BTBD16: variants seen among roughly 807,000 people sequenced by gnomAD.
BTBD16 encodes the protein BTB domain containing 16.
Under a neutral mutation model 67.4 loss-of-function variants are expected in BTBD16, and 66 were observed. That is an observed-to-expected ratio of 0.98 (90% CI 0.80 to 1.20). BTBD16 has a LOEUF of 1.20. Ranked by LOEUF, BTBD16 falls within the 50% of genes most tolerant of loss-of-function variation. BTBD16 has a pLI of 0.00. For missense variants in BTBD16, 634 were observed against 616.0 expected (o/e 1.03, Z -0.31); for synonymous variants, 242 against 236.4 (o/e 1.02, Z -0.22).
intron 10 of BTBD16, among the ~76,000 whole-genome samples, chr10:122,315,380 T>C (rs374134648): frequency 6.6e-6 from 1 of 152,224 alleles, no homozygotes; most frequent in Non-Finnish European, 1.5e-5. Flanking sequence ...AGCAATATTA[T>C]CCTCTTTTAT....
At chr10:122,273,992 C>G (rs747359887) in intron 1 of BTBD16, among the ~76,000 whole-genome samples, 70 of 152,316 alleles carry the variant, frequency 4.6e-4, no homozygotes, top group Non-Finnish European at 8.2e-4. Flanking sequence ...CTCCATATGG[C>G]GACTGCACAG....
rs377188156 is a variant in BTBD16 at position 122,283,939 on chromosome 10, T to C, written c.241+15T>C. ...TGGGGAAGCAGGTGAGTTTGTGTTA[T>C]CCATGGATTAAGCCAGAATGTTGCT... On this transcript the variant is annotated intron_variant, in intron 4 of 15. Coordinates refer to ENST00000260723, the MANE Select transcript of BTBD16 (RefSeq NM_144587.5). The C allele has an allele frequency of 2.7e-5, 43 of 1,595,658 alleles. No individual in the cohort carries two copies. The highest frequency in any genetic ancestry group is 3.5e-5 in the Non-Finnish European group (41 of 1,163,232).
intron 10 of BTBD16, among the ~76,000 whole-genome samples, chr10:122,321,140 T>A (rs1455526999): frequency 6.6e-6 from 1 of 152,216 alleles, no homozygotes; most frequent in Non-Finnish European, 1.5e-5. Context: ...TCACTTAGGA[T>A]AATGGTCTCC....
intron 6 of BTBD16, 106 bp downstream of exon 6, chr10:122,290,104 A>G (rs1314340230): frequency 1.6e-5 from 12 of 742,902 alleles, no homozygotes; most frequent in Non-Finnish European, 2.3e-5. Flanking sequence ...AACAGTAGAC[A>G]GTGTTCAGTG....
intron 9 of BTBD16, among the ~76,000 whole-genome samples, chr10:122,304,190 T>C (rs2096399188): frequency 6.6e-6 from 1 of 152,228 alleles, no homozygotes. Context: ...GTGACAAACT[T>C]GGTCCTGTCT....
chr10:122,298,175 T>A (rs114899493), intron 8 of BTBD16, among the ~76,000 whole-genome samples: 373 of 152,210 alleles, frequency 2.5e-3, no homozygotes, highest in African/African-American at 8.5e-3. Context: ...AATCAGTGTG[T>A]CAGGGTTAGG....
At chr10:122,303,018 A>G (rs1429463789) in intron 9 of BTBD16, among the ~76,000 whole-genome samples, 3 of 152,170 alleles carry the variant, frequency 2.0e-5, no homozygotes, top group Non-Finnish European at 4.4e-5. Context: ...GAATATTAAT[A>G]TTTTTACTGT....
intron 10 of BTBD16, among the ~76,000 whole-genome samples, chr10:122,320,293 T>C (rs10749459): frequency 0.62 from 93,933 of 151,914 alleles, 30,475 homozygotes; most frequent in East Asian, 0.87. Context: ...GAGGAAATAA[T>C]TTAATCTTTC....
chr10:122,319,555 C>T (rs1432459375), intron 10 of BTBD16, among the ~76,000 whole-genome samples: 1 of 152,052 alleles, frequency 6.6e-6, no homozygotes, highest in African/African-American at 2.4e-5. Context: ...TTTTGGGACT[C>T]AATATTCTGT....
At chr10:122,330,824 G>A (rs922411444) in intron 11 of BTBD16, among the ~76,000 whole-genome samples, 5 of 152,178 alleles carry the variant, frequency 3.3e-5, no homozygotes, top group Admixed American at 1.3e-4. Flanking sequence ...TGCCTCCTGG[G>A]TTCAAGAGAT....
chr10:122,316,972 A>G (rs1395089050), intron 10 of BTBD16, among the ~76,000 whole-genome samples: 1 of 152,154 alleles, frequency 6.6e-6, no homozygotes, highest in Admixed American at 6.5e-5. Context: ...TAATTTTAGT[A>G]GAGACGGGGT....
chr10:122,289,386 C>T (rs2142063935), intron 5 of BTBD16, among the ~76,000 whole-genome samples: 1 of 152,242 alleles, frequency 6.6e-6, no homozygotes, highest in East Asian at 1.9e-4. Flanking sequence ...GGGAACTCTG[C>T]ACTCTTTTTG....
intron 5 of BTBD16, 82 bp from the exon 6 acceptor site, chr10:122,289,827 A>G (rs2096370501): frequency 2.3e-6 from 2 of 852,100 alleles, no homozygotes; most frequent in African/African-American, 3.3e-5. Flanking sequence ...CCTCATGGTC[A>G]TGCCAGGGTG....
At chr10:122,314,462 C>T (rs1274732866) in intron 10 of BTBD16, among the ~76,000 whole-genome samples, 1 of 152,036 alleles carries the variant, frequency 6.6e-6, no homozygotes, top group African/African-American at 2.4e-5. Flanking sequence ...TGTGATTGTG[C>T]CGATGCACTC....
At chr10:122,288,680 G>A (rs11200531) in intron 5 of BTBD16, among the ~76,000 whole-genome samples, 5,443 of 152,230 alleles carry the variant, frequency 0.036, 331 homozygotes, top group African/African-American at 0.12. Context: ...ATAGAAGGTC[G>A]TGGTCAAATT....
chr10:122,326,081 C>T (rs759898119), intron 10 of BTBD16, among the ~76,000 whole-genome samples: 1 of 151,408 alleles, frequency 6.6e-6, no homozygotes, highest in African/African-American at 2.4e-5. Context: ...TGAGTTATTG[C>T]CCTAAAATGT....
intron 10 of BTBD16, among the ~76,000 whole-genome samples, chr10:122,316,989 A>G (rs1320903459): frequency 6.6e-6 from 1 of 152,016 alleles, no homozygotes; most frequent in African/African-American, 2.4e-5. Flanking sequence ...GGGTTTCTCC[A>G]TGTTGGTCAG....
chr10:122,304,665 C>T (rs891013853), intron 9 of BTBD16, among the ~76,000 whole-genome samples: 9 of 150,864 alleles, frequency 6.0e-5, no homozygotes, highest in African/African-American at 2.2e-4. Context: ...CGCCATTCTC[C>T]TGCCTCAGCC....
chr10:122,303,998 G>A (rs1274998404), intron 9 of BTBD16, among the ~76,000 whole-genome samples: 2 of 152,188 alleles, frequency 1.3e-5, no homozygotes, highest in African/African-American at 4.8e-5. Flanking sequence ...CCCCCATGTT[G>A]CTGCTAGCCC....
Sources: gnomAD v4.1 joint callset for allele counts (sites outside exome capture counted in the v4.1 genomes callset) on GRCh38, gnomAD v4.1.1 for gene constraint, MANE v1.5 for transcripts, NCBI Gene and HGNC (gene_info 2026-07-23, HGNC 2026-07-21) for gene names.